The following C19orf12 variants were observed in gnomAD, a reference collection of about 807,000 sequenced individuals.
C19orf12 encodes chromosome 19 open reading frame 12.
A neutral mutation model predicts 3.8 loss-of-function variants in C19orf12; 2 were observed. That is an observed-to-expected ratio of 0.53 (90% CI 0.22 to 1.66). C19orf12 has a LOEUF of 1.66. Among genes scored for constraint, C19orf12 ranks in the 40% most tolerant of loss-of-function variants. C19orf12 has a pLI of 0.20. For missense variants in C19orf12, 156 were observed against 188.8 expected, an observed-to-expected ratio of 0.83 and a Z score of 1.02; for synonymous variants, 89 against 84.6, an observed-to-expected ratio of 1.05 and a Z score of -0.28.
Position 29,699,795 on chromosome 19 carries a change from A to C in C19orf12, c.*2917T>G, listed in dbSNP as rs1194997864. The C allele has an allele frequency of 2.2e-6, 1 of 451,304 alleles. No individual in the cohort carries two copies. Among genetic ancestry groups the C allele is most frequent in the Non-Finnish European group, 4.4e-6 (1 of 226,210 alleles). The allele number at this position is 451,304 out of a possible 1,614,324, so 28.0% of individuals were successfully genotyped here. A position where few individuals can be genotyped will look rare whatever the true frequency, so the allele number is the denominator to read the frequency against. On this transcript the variant is annotated 3_prime_UTR_variant, in exon 3 of 3. Coordinates refer to ENST00000323670, the MANE Select transcript of C19orf12 (RefSeq NM_031448.6). Reference sequence around the variant, plus strand: ...CAGCTTGCGCCCTCCCGTACCTTTTAAATTTTGTACCAGGCAGGTATTACT... The same window carrying C: ...CAGCTTGCGCCCTCCCGTACCTTTTCAATTTTGTACCAGGCAGGTATTACT...
chr19:29,707,649 G>T (rs1368436385), intron 2 of C19orf12, among the ~76,000 whole-genome samples: 1 of 152,132 alleles, frequency 6.6e-6, no homozygotes, highest in Non-Finnish European at 1.5e-5. Flanking sequence ...CAGCACTGGG[G>T]GAAAGATGCC....
At chr19:29,714,687 C>CGCGGAGGGTCGCGCAGGCCTTGGTGGCG (rs1972865571) in intron 1 of C19orf12, among the ~76,000 whole-genome samples, 1 of 138,502 alleles carries the variant, frequency 7.2e-6, no homozygotes, top group Non-Finnish European at 1.6e-5. Context: ...CCCCCAGCCC[C>CGCGGAGGGTCGCGCAGGCCTTGGTGGCG]GCCCCTGCCC....
Position 29,702,923 on chromosome 19 carries a change from G to A in C19orf12, c.215C>T (p.Pro72Leu), listed in dbSNP as rs201987973. ...GAWMTSGQFK[P>L]VPQILMELPP... ...CAGCTCCATTAGGATCTGAGGAACCGGCTTAAACTGTCCACTTGTCATCCA... is the reference window on the plus strand; with the variant it reads ...CAGCTCCATTAGGATCTGAGGAACCAGCTTAAACTGTCCACTTGTCATCCA... Residue 72 changes from proline (P) to leucine (L), a missense_variant, in exon 3 of 3, where the codon CCG (proline) becomes CTG (leucine). Pro to Leu is a moderately conservative substitution (Grantham distance 98, BLOSUM62 -3). Coordinates refer to ENST00000323670, the MANE Select transcript of C19orf12 (RefSeq NM_031448.6). The A allele has an allele frequency of 9.3e-6, 15 of 1,614,048 alleles. No homozygotes were observed. The highest frequency in any genetic ancestry group is 1.1e-5 in the South Asian group (1 of 91,094).
At chr19:29,706,242 C>T (rs1972374233) in intron 2 of C19orf12, among the ~76,000 whole-genome samples, 1 of 152,256 alleles carries the variant, frequency 6.6e-6, no homozygotes, top group African/African-American at 2.4e-5. Flanking sequence ...GTGAAATGCT[C>T]CAAGTCGACA....
rs969522377 is a variant in C19orf12, at chr19:29,699,149, G to A, written c.*3563C>T. ...TACAGGTGTTCAAAGGGGCATATAG[G>A]ATAAGAAGGCAAGTACGTTAGAAAT... On this transcript the variant is annotated 3_prime_UTR_variant, in exon 3 of 3. Coordinates refer to ENST00000323670, the MANE Select transcript of C19orf12 (RefSeq NM_031448.6). 2.2e-6 allele frequency: 1 copy of A among 453,720 alleles called. No individual in the cohort carries two copies. Among genetic ancestry groups the A allele is most frequent in the African/African-American group, 2.0e-5 (1 of 49,918 alleles). 28.1% of individuals were successfully genotyped at this position (453,720 alleles called of 1,614,324 possible).
intron 2 of C19orf12, among the ~76,000 whole-genome samples, chr19:29,705,677 A>AT (rs34930308): frequency 3.6e-4 from 54 of 149,522 alleles, no homozygotes; most frequent in African/African-American, 1.2e-3. Flanking sequence ...TGCCTGGCTA[A>AT]TTTTTTTTTT....
Position 29,700,091 on chromosome 19 carries a change from G to A in C19orf12, c.*2621C>T, listed in dbSNP as rs183432713. 28 of 454,044 alleles carry A rather than the reference G, an allele frequency of 6.2e-5. No homozygotes were observed. In the East Asian group the frequency reaches 1.9e-3, roughly 30 times the overall value. The allele number at this position is 454,044 out of a possible 1,614,324, so 28.1% of individuals were successfully genotyped here. A position where few individuals can be genotyped will look rare whatever the true frequency, so the allele number is the denominator to read the frequency against. ...AGGAGTTGGACCATCTCCTCCCTGGGCATTTTTCCCTGCAGTAGGGGTGGG... is the reference window on the plus strand; with the variant it reads ...AGGAGTTGGACCATCTCCTCCCTGGACATTTTTCCCTGCAGTAGGGGTGGG... On this transcript the variant is annotated 3_prime_UTR_variant, in exon 3 of 3. Coordinates refer to ENST00000323670, the MANE Select transcript of C19orf12 (RefSeq NM_031448.6).
In C19orf12 at chr19:29,699,312, A is replaced by AT. The variant is rs113192583; in HGVS notation, c.*3399_*3400insA. ...GAAACCCCGTCTCTACTAAAAATAA[A>AT]AAAAAAATAAAAAAATAAAAATTAG... On this transcript the variant is annotated 3_prime_UTR_variant, in exon 3 of 3. Coordinates refer to ENST00000323670, the MANE Select transcript of C19orf12 (RefSeq NM_031448.6). 1,654 of 369,324 alleles carry AT rather than the reference A, an allele frequency of 4.5e-3. 27 individuals carry two copies. The highest frequency in any genetic ancestry group is 0.034 in the African/African-American group (1,559 of 46,484). The allele number at this position is 369,324 out of a possible 1,614,324, so 22.9% of individuals were successfully genotyped here.
rs1453987392 is a variant in C19orf12, at chr19:29,700,793, A to G, written c.*1919T>C. 4.4e-6 allele frequency: 2 copies of G among 454,124 alleles called. No individual in the cohort carries two copies. Among genetic ancestry groups the G allele is most frequent in the Non-Finnish European group, 8.8e-6 (2 of 226,782 alleles). 28.1% of individuals were successfully genotyped at this position (454,124 alleles called of 1,614,324 possible). On this transcript the variant is annotated 3_prime_UTR_variant, in exon 3 of 3. Coordinates refer to ENST00000323670, the MANE Select transcript of C19orf12 (RefSeq NM_031448.6). ...TTATAATTCACCCTGACGTCCTTAC[A>G]CACATGGAGGTGCCAGGATACTGAG...
rs1972213766 is a variant in C19orf12 at position 29,703,351 on chromosome 19, G to A, written c.161-374C>T. Among the ~76,000 whole-genome samples, 2 of 151,028 alleles carry A rather than the reference G, an allele frequency of 1.3e-5. 1 individual carries two copies. Among genetic ancestry groups the A allele is most frequent in the South Asian group, 4.2e-4 (2 of 4,780 alleles). ...CTCTAATCACAAAGGAGAAGGCTGA[G>A]AAACAAATGCATTTTCTTTTTCTTT... On this transcript the variant is annotated intron_variant, in intron 2 of 2. Coordinates refer to ENST00000323670, the MANE Select transcript of C19orf12 (RefSeq NM_031448.6).
chr19:29,715,126 T>C lies in C19orf12; in HGVS notation c.-12A>G. 1 of 591,402 alleles carries C rather than the reference T, an allele frequency of 1.7e-6. No individual in the cohort carries two copies. The highest frequency in any genetic ancestry group is 1.8e-5 in the South Asian group (1 of 55,976). The allele number at this position is 591,402 out of a possible 1,614,324, so 36.6% of individuals were successfully genotyped here. A position where few individuals can be genotyped will look rare whatever the true frequency, so the allele number is the denominator to read the frequency against. On this transcript the variant is annotated splice_region_variant and 5_prime_UTR_variant, in exon 1 of 3. Coordinates refer to ENST00000323670, the MANE Select transcript of C19orf12 (RefSeq NM_031448.6). ...CCCCGGCTCCGGGCGCTCCTTTACC[T>C]GGGGGAGCGGAGGTCTACGCGGCGC... is the stretch of plus-strand genomic sequence containing the variant.
intron 2 of C19orf12, 151 bp from the exon 3 acceptor site, chr19:29,703,128 C>A (rs948541210): frequency 4.9e-5 from 50 of 1,018,622 alleles, no homozygotes; most frequent in Non-Finnish European, 6.2e-5. Context: ...CCTGCTCCGC[C>A]AGCCAGTGTG....
In C19orf12 at chr19:29,698,996, G is replaced by A. The variant is rs1568319098; in HGVS notation, c.*3716C>T. On this transcript the variant is annotated 3_prime_UTR_variant, in exon 3 of 3. Coordinates refer to ENST00000323670, the MANE Select transcript of C19orf12 (RefSeq NM_031448.6). ...ATTACTGTAATACTTCAGCATTACA[G>A]TAGTAAAAATCCACAAATGGAATTC... is the stretch of plus-strand genomic sequence containing the variant. 1 of 453,354 alleles carries A rather than the reference G, an allele frequency of 2.2e-6. No homozygotes were observed. The highest frequency in any genetic ancestry group is 2.0e-5 in the African/African-American group (1 of 49,782). 28.1% of individuals were successfully genotyped at this position (453,354 alleles called of 1,614,324 possible).
rs746532622 is a variant in C19orf12 at position 29,702,688 on chromosome 19, C to T, written c.*24G>A. On this transcript the variant is annotated 3_prime_UTR_variant, in exon 3 of 3. Transcript: ENST00000323670. The stretch of plus-strand genomic sequence containing the variant: ...GAATCACAGAGTCATTTAAAGGGGC[C>T]CCCCACCTCCCCGGAGGTGCGGCCT... The T allele has an allele frequency of 4.3e-6, 7 of 1,612,044 alleles. No homozygotes were observed. The highest frequency in any genetic ancestry group is 2.7e-5 in the African/African-American group (2 of 74,848).
In C19orf12 at chr19:29,713,384, C is replaced by A. The variant is rs546261538; in HGVS notation, c.-11+1741G>T. On this transcript the variant is annotated intron_variant, in intron 1 of 2. Coordinates refer to ENST00000323670, the MANE Select transcript of C19orf12 (RefSeq NM_031448.6). ...ACTGGAAGCCCCGGTTTCTTGCAGG[C>A]GCCCAGGCTGCTCTGACAGGTACAG... 4.6e-5 allele frequency among the ~76,000 whole-genome samples: 7 copies of A among 152,190 alleles called. No individual in the cohort carries two copies. In the East Asian group the frequency reaches 9.7e-4, roughly 21 times the overall value.
chr19:29,712,193 C>G (rs1266092981), intron 1 of C19orf12, among the ~76,000 whole-genome samples: 3 of 152,190 alleles, frequency 2.0e-5, no homozygotes, highest in Non-Finnish European at 4.4e-5. Flanking sequence ...ATCACGAGGT[C>G]AAGAGATCGA....
intron 2 of C19orf12, among the ~76,000 whole-genome samples, chr19:29,704,106 G>A (rs1301165367): frequency 6.6e-6 from 1 of 152,206 alleles, no homozygotes; most frequent in Non-Finnish European, 1.5e-5. Context: ...AGGACCTGGG[G>A]ACAGATAAGG....
chr19:29,706,223 A>G (rs927067296), intron 2 of C19orf12, among the ~76,000 whole-genome samples: 1 of 152,268 alleles, frequency 6.6e-6, no homozygotes, highest in Non-Finnish European at 1.5e-5. Flanking sequence ...ACTTTTCCCC[A>G]TGACACCAGT....
intron 1 of C19orf12, among the ~76,000 whole-genome samples, chr19:29,713,125 G>C (rs1320843062): frequency 6.6e-6 from 1 of 152,278 alleles, no homozygotes; most frequent in Admixed American, 6.5e-5. Context: ...AATTCTCCAG[G>C]CTCACCAGAT....
Sources: allele counts gnomAD v4.1 joint callset (sites outside exome capture counted in the v4.1 genomes callset), GRCh38; gene constraint gnomAD v4.1.1; transcripts MANE v1.5; gene names NCBI Gene and HGNC (gene_info 2026-07-23, HGNC 2026-07-21).